Variants in GABRG2 observed in about 807,000 individuals in gnomAD.
The protein encoded by GABRG2 is gamma-aminobutyric acid receptor subunit gamma-2.
Under a neutral mutation model 56.4 loss-of-function variants are expected in GABRG2, and 16 were observed. The ratio of observed to expected loss-of-function variants is 0.28; its 90% CI spans 0.19 to 0.43. The LOEUF (loss-of-function observed/expected upper bound fraction) is 0.43. GABRG2 is among the 20% of genes least tolerant of loss of function. The pLI is 1.00. For missense variants in GABRG2, 327 were observed against 582.7 expected (o/e 0.56, Z 4.52); for synonymous variants, 208 against 205.5 (o/e 1.01, Z -0.10).
At chr5:162,090,583 C>T (rs924519114) in intron 1 of GABRG2, among the ~76,000 whole-genome samples, 4 of 152,176 alleles carry the variant, frequency 2.6e-5, no homozygotes, top group African/African-American at 7.2e-5. Context: ...TTTACAAAGA[C>T]GAAAACTTCA....
chr5:162,073,601 A>G (rs984461983), intron 1 of GABRG2, among the ~76,000 whole-genome samples: 4 of 151,980 alleles, frequency 2.6e-5, no homozygotes, highest in Non-Finnish European at 4.4e-5. Flanking sequence ...TTGGATATGT[A>G]TAGTTTTAAT....
rs147138986 is a variant in GABRG2, at chr5:162,124,401, T to C, written c.770-17763T>C. Among the ~76,000 whole-genome samples, 905 of 151,870 alleles carry C rather than the reference T, an allele frequency of 6.0e-3. 14 individuals carry two copies. The highest frequency in any genetic ancestry group is 0.02 in the African/African-American group (846 of 41,470). On this transcript the variant is annotated intron_variant, in intron 6 of 9. Transcript: ENST00000639213. ...GAGAAATTGCTTTATAATATTAAAC[T>C]CCAGAACTAGAATTACCTATCTAGC... is the stretch of plus-strand genomic sequence containing the variant.
At chr5:162,074,537 G>A (rs1176124004) in intron 1 of GABRG2, among the ~76,000 whole-genome samples, 2 of 151,914 alleles carry the variant, frequency 1.3e-5, no homozygotes, top group Non-Finnish European at 2.9e-5. Flanking sequence ...AGAACTTACT[G>A]TATATTTATA....
chr5:162,139,700 C>T (rs1464240584), intron 6 of GABRG2, among the ~76,000 whole-genome samples: 2 of 152,096 alleles, frequency 1.3e-5, no homozygotes, highest in East Asian at 3.9e-4. Flanking sequence ...CATTCACTTA[C>T]ATGATAAGGT....
chr5:162,149,743 A>G, intron 8 of GABRG2: 1 of 447,136 alleles, frequency 2.2e-6, no homozygotes, highest in Non-Finnish European at 4.4e-6. Context: ...CCCCCTGAGT[A>G]GCTGGGACTA....
intron 7 of GABRG2, 174 bp downstream of exon 7, chr5:162,142,490 G>A (rs991965281): frequency 1.2e-5 from 8 of 661,168 alleles, no homozygotes; most frequent in Non-Finnish European, 1.6e-5. Context: ...CAAAGACTTG[G>A]AACCAACCCA....
chr5:162,143,061 T>C (rs1032145585), intron 7 of GABRG2: 3 of 152,260 alleles, frequency 2.0e-5, no homozygotes, highest in Admixed American at 1.3e-4. Flanking sequence ...GATAATATGC[T>C]GAAGCTGCTT....
chr5:162,109,201 T>C (rs994701059), intron 6 of GABRG2, among the ~76,000 whole-genome samples: 1 of 151,360 alleles, frequency 6.6e-6, no homozygotes, highest in African/African-American at 2.4e-5. Flanking sequence ...ATGAGAACAC[T>C]TGGACACAGG....
chr5:162,069,725 T>A (rs1472153162), intron 1 of GABRG2, among the ~76,000 whole-genome samples: 1 of 152,236 alleles, frequency 6.6e-6, no homozygotes. Flanking sequence ...GGCCTTTTAC[T>A]GGAAACAGTC....
At chr5:162,122,913 T>C (rs2113491965) in intron 6 of GABRG2, among the ~76,000 whole-genome samples, 1 of 151,832 alleles carries the variant, frequency 6.6e-6, no homozygotes, top group South Asian at 2.1e-4. Flanking sequence ...AATTACCTTA[T>C]TTTGTTGATT....
chr5:162,104,008 G>T lies in GABRG2; in HGVS notation c.751G>T (p.Val251Leu), dbSNP rs1177007892. 3.1e-6 allele frequency: 5 copies of T among 1,613,858 alleles called. No individual in the cohort carries two copies. The highest frequency in any genetic ancestry group is 4.2e-6 in the Non-Finnish European group (5 of 1,179,944). ...TGTTGGTCTAAGAAATACCACCGAA[G>T]TAGTGAAGACAACTTCCGGTAAGAT... is the stretch of plus-strand genomic sequence containing the variant. ...SFVGLRNTTE[V>L]VKTTSGDYVV... The change falls in exon 6 of 10, where the codon GTA becomes TTA. Residue 251 changes from valine (V) to leucine (L), a missense_variant. Val to Leu is a conservative substitution (Grantham distance 32). Coordinates refer to ENST00000639213, the MANE Select transcript of GABRG2 (RefSeq NM_198904.4).
At chr5:162,125,049 G>T (rs1208954206) in intron 6 of GABRG2, among the ~76,000 whole-genome samples, 5 of 150,638 alleles carry the variant, frequency 3.3e-5, no homozygotes, top group Admixed American at 1.3e-4. Context: ...TCTCAGCTTA[G>T]ATGATGTCTC....
At chr5:162,146,328 T>G (rs1764946811) in intron 7 of GABRG2, among the ~76,000 whole-genome samples, 1 of 152,098 alleles carries the variant, frequency 6.6e-6, no homozygotes, top group African/African-American at 2.4e-5. Flanking sequence ...TTGAACAAGT[T>G]TTTATTCCTC....
intron 9 of GABRG2, chr5:162,152,738 A>G: frequency 1.9e-6 from 1 of 536,218 alleles, no homozygotes. Context: ...ACTCACATGC[A>G]GCACCATCAA....
At chr5:162,105,246 TTCAAA>T (rs1761715757) in intron 6 of GABRG2, among the ~76,000 whole-genome samples, 1 of 152,150 alleles carries the variant, frequency 6.6e-6, no homozygotes, top group African/African-American at 2.4e-5. Flanking sequence ...AGTACCATCC[TTCAAA>T]TCAAAGAATT....
chr5:162,129,398 C>G (rs1453487358), intron 6 of GABRG2: 1 of 151,554 alleles, frequency 6.6e-6, no homozygotes, highest in Non-Finnish European at 1.5e-5. Flanking sequence ...GATTAAAATG[C>G]AAACCCAAAC....
chr5:162,120,634 A>T (rs1354661356), intron 6 of GABRG2, among the ~76,000 whole-genome samples: 1 of 152,140 alleles, frequency 6.6e-6, no homozygotes, highest in Non-Finnish European at 1.5e-5. Flanking sequence ...AGCTGCATGA[A>T]CTCAGGCAGT....
chr5:162,078,219 G>A (rs7714104), intron 1 of GABRG2, among the ~76,000 whole-genome samples: 5,989 of 151,456 alleles, frequency 0.04, 425 homozygotes, highest in African/African-American at 0.14. Flanking sequence ...ACCATGGCTG[G>A]GTTCTGGTGA....
chr5:162,128,617 C>G (rs78148330), intron 6 of GABRG2, among the ~76,000 whole-genome samples: 16,377 of 151,988 alleles, frequency 0.11, 948 homozygotes, highest in South Asian at 0.14. Flanking sequence ...TCCTCTCCCT[C>G]TTCTATCATA....
Sources: gnomAD v4.1 joint callset for allele counts (sites outside exome capture counted in the v4.1 genomes callset) on GRCh38, gnomAD v4.1.1 for gene constraint, MANE v1.5 for transcripts, NCBI Gene and HGNC (gene_info 2026-07-23, HGNC 2026-07-21) for gene names.